The following GRM8 variants were observed in gnomAD, a reference collection of about 807,000 sequenced individuals.
GRM8 encodes the protein glutamate metabotropic receptor 8, also known as metabotropic glutamate receptor 8.
In GRM8, 47 loss-of-function variants were observed where a neutral mutation model predicts 87.2. That is an observed-to-expected ratio of 0.54 (90% confidence interval 0.43 to 0.69). The LOEUF (loss-of-function observed/expected upper bound fraction) is 0.69, where lower values mean the gene tolerates loss of function less well. Among genes scored for constraint, GRM8 ranks in the 30% least tolerant of loss-of-function variants. The pLI is 0.00. For synonymous variants in GRM8, 396 were observed against 404.5 expected (o/e 0.98, Z 0.25); for missense variants, 1,019 against 1,139.2 (o/e 0.89, Z 1.52).
intron 6 of GRM8, among the ~76,000 whole-genome samples, chr7:126,857,668 A>C (rs1463186668): frequency 6.6e-6 from 1 of 152,202 alleles, no homozygotes; most frequent in Non-Finnish European, 1.5e-5. Flanking sequence ...CTGTGGTTAA[A>C]ATAGCCTTTG....
In GRM8 at chr7:126,871,207, G is replaced by A. The variant is rs1436216710; in HGVS notation, c.1156+31335C>T. Among the ~76,000 whole-genome samples the A allele has an allele frequency of 5.9e-5, 9 of 152,206 alleles. No homozygotes were observed. The South Asian group carries it at 1.9e-3, about 32-fold the overall frequency. On this transcript the variant is annotated intron_variant, in intron 6 of 10. Transcript: ENST00000339582. Reference sequence around the variant, plus strand: ...ACTGGGTTTTAGAGGAGATGGAAAAGTCCACAAAAATGAATAGAATCGTTC... The same window carrying A: ...ACTGGGTTTTAGAGGAGATGGAAAAATCCACAAAAATGAATAGAATCGTTC...
chr7:126,783,052 G>C (rs1490741228), intron 6 of GRM8, among the ~76,000 whole-genome samples: 1 of 152,144 alleles, frequency 6.6e-6, no homozygotes, highest in Non-Finnish European at 1.5e-5. Context: ...GATGCAAACT[G>C]TATACTCGCT....
chr7:126,892,643 T>A (rs1455749947), intron 6 of GRM8, among the ~76,000 whole-genome samples: 1 of 152,150 alleles, frequency 6.6e-6, no homozygotes, highest in Non-Finnish European at 1.5e-5. Flanking sequence ...GTCCTTTGGG[T>A]ATATACCCAG....
At chr7:126,553,351 A>C (rs1361118465) in intron 8 of GRM8, among the ~76,000 whole-genome samples, 1 of 152,194 alleles carries the variant, frequency 6.6e-6, no homozygotes, top group Non-Finnish European at 1.5e-5. Flanking sequence ...TGTAACTGAT[A>C]CATTTCATGT....
At chr7:126,885,461 T>C (rs889922823) in intron 6 of GRM8, among the ~76,000 whole-genome samples, 7 of 152,154 alleles carry the variant, frequency 4.6e-5, no homozygotes, top group African/African-American at 1.7e-4. Context: ...GTCTACTCTT[T>C]TCTTCCCTAT....
intron 7 of GRM8, among the ~76,000 whole-genome samples, chr7:126,638,154 T>A (rs554231002): frequency 6.6e-6 from 1 of 152,304 alleles, no homozygotes; most frequent in African/African-American, 2.4e-5. Context: ...TAAACTTTTA[T>A]CAGGTGCTAA....
intron 9 of GRM8, among the ~76,000 whole-genome samples, chr7:126,464,071 A>T (rs1804213072): frequency 6.6e-6 from 1 of 151,774 alleles, no homozygotes; most frequent in East Asian, 1.9e-4. Flanking sequence ...TTCTTCTGAA[A>T]GTGATCAAAT....
chr7:127,172,070 G>T (rs1009820208), intron 2 of GRM8, among the ~76,000 whole-genome samples: 5 of 151,908 alleles, frequency 3.3e-5, no homozygotes, highest in Admixed American at 1.3e-4. Context: ...CATGATTAAT[G>T]GAATTTTTGT....
intron 3 of GRM8, among the ~76,000 whole-genome samples, chr7:127,094,100 A>T (rs1442717921): frequency 2.0e-5 from 3 of 152,184 alleles, no homozygotes; most frequent in Non-Finnish European, 4.4e-5. Context: ...AAATGACATA[A>T]ATAGATTCTG....
chr7:126,577,403 A>T (rs981267179), intron 8 of GRM8, among the ~76,000 whole-genome samples: 3 of 152,142 alleles, frequency 2.0e-5, no homozygotes, highest in Non-Finnish European at 4.4e-5. Flanking sequence ...GTAGATTATC[A>T]CCCCAAAGGG....
rs1563413235 is a variant in GRM8, at chr7:127,015,055, G to GA, written c.727+91440dup. Among the ~76,000 whole-genome samples, 15 of 113,224 alleles carry GA rather than the reference G, an allele frequency of 1.3e-4. 1 individual carries two copies. The highest frequency in any genetic ancestry group is 4.4e-3 in the Middle Eastern group (1 of 226). The allele number at this position is 113,224 out of a possible 152,430, so 74.3% of individuals were successfully genotyped here. Reference sequence around the variant, plus strand: ...AGAAGAAGAAGAAGAAGAAGAAGAAGAAGAAGAAGAAGAAAGAAAGAAGGA... The same window carrying GA: ...AGAAGAAGAAGAAGAAGAAGAAGAAGAAAGAAGAAGAAGAAAGAAAGAAGGA... On this transcript the variant is annotated intron_variant, in intron 3 of 10. Coordinates refer to ENST00000339582, the MANE Select transcript of GRM8 (RefSeq NM_000845.3).
intron 2 of GRM8, among the ~76,000 whole-genome samples, chr7:127,119,758 C>T (rs1826921871): frequency 6.6e-6 from 1 of 152,176 alleles, no homozygotes; most frequent in Non-Finnish European, 1.5e-5. Flanking sequence ...TTGTTAAGCA[C>T]TTACGATATG....
intron 3 of GRM8, among the ~76,000 whole-genome samples, chr7:126,949,708 T>C (rs1413428485): frequency 6.6e-6 from 1 of 152,184 alleles, no homozygotes; most frequent in Admixed American, 6.5e-5. Flanking sequence ...GGAAATTTTC[T>C]TATGTCTCAG....
chr7:127,003,193 T>C (rs931198914), intron 3 of GRM8, among the ~76,000 whole-genome samples: 2 of 151,732 alleles, frequency 1.3e-5, no homozygotes, highest in Non-Finnish European at 3.0e-5. Context: ...CATGAAGACA[T>C]AGCATGATTA....
chr7:126,980,049 C>T (rs536606269), intron 3 of GRM8, among the ~76,000 whole-genome samples: 1 of 152,344 alleles, frequency 6.6e-6, no homozygotes, highest in African/African-American at 2.4e-5. Flanking sequence ...AGAATATTTT[C>T]ATCATGCGCT....
At chr7:127,180,984 T>C (rs1241459358) in intron 2 of GRM8, among the ~76,000 whole-genome samples, 3 of 152,036 alleles carry the variant, frequency 2.0e-5, no homozygotes, top group Non-Finnish European at 4.4e-5. Context: ...GTACTGGAAG[T>C]CCTAGTCAGA....
rs139991600 is a variant in GRM8, at chr7:126,872,041, C to T, written c.1156+30501G>A. On this transcript the variant is annotated intron_variant, in intron 6 of 10. Transcript: ENST00000339582. ...ATATTGCCAGCCCACACCCAGGGAC[C>T]CTCACAGAGTAAACTTGTGTATGTC... 2.4e-3 allele frequency among the ~76,000 whole-genome samples: 361 copies of T among 152,200 alleles called. 3 individuals are homozygous for T. The highest frequency in any genetic ancestry group is 8.5e-3 in the African/African-American group (351 of 41,534).
chr7:126,457,579 T>G (rs1487989906), intron 9 of GRM8, among the ~76,000 whole-genome samples: 2 of 151,376 alleles, frequency 1.3e-5, no homozygotes, highest in Non-Finnish European at 3.0e-5. Flanking sequence ...GTTTGAAAAT[T>G]AAACAATACA....
chr7:126,444,822 A>AG (rs1801832310), intron 10 of GRM8, among the ~76,000 whole-genome samples: 1 of 151,984 alleles, frequency 6.6e-6, no homozygotes, highest in Non-Finnish European at 1.5e-5. Context: ...TGAATATGAG[A>AG]GGAAGAGAAT....
Sources: allele counts gnomAD v4.1 joint callset (sites outside exome capture counted in the v4.1 genomes callset), GRCh38; gene constraint gnomAD v4.1.1; transcripts MANE v1.5; gene names NCBI Gene and HGNC (gene_info 2026-07-23, HGNC 2026-07-21).